Variants in ASRGL1 observed in about 807,000 individuals in gnomAD.
The protein encoded by ASRGL1 is asparaginase and isoaspartyl peptidase 1, also known as isoaspartyl peptidase/L-asparaginase.
ASRGL1 carries 16 observed loss-of-function variants against 22.4 expected under a neutral mutation model. The observed-to-expected ratio is 0.71, with a 90% CI of 0.48 to 1.08. ASRGL1 has a LOEUF of 1.08. ASRGL1 is among the 50% of genes least tolerant of loss of function. The probability of loss-of-function intolerance (pLI) is 0.00; values close to 1 mark genes in which losing one functional copy is unlikely to be tolerated. For synonymous variants in ASRGL1, 165 were observed against 159.3 expected (o/e 1.04, Z -0.27); for missense variants, 412 against 410.1 (o/e 1.00, Z -0.04).
chr11:62,375,001 A>G (rs1374991439), intron 4 of ASRGL1, among the ~76,000 whole-genome samples: 1 of 151,466 alleles, frequency 6.6e-6, no homozygotes, highest in South Asian at 2.1e-4. Context: ...TTGAGGACGC[A>G]GCACCTGAGG....
chr11:62,387,092 AGAG>A (rs1472819752), intron 4 of ASRGL1, among the ~76,000 whole-genome samples: 3 of 150,686 alleles, frequency 2.0e-5, no homozygotes, highest in Non-Finnish European at 4.4e-5. Flanking sequence ...TAGTAGAGAC[AGAG>A]TTTCACCATG....
intron 4 of ASRGL1, among the ~76,000 whole-genome samples, chr11:62,374,998 C>T (rs984944270): frequency 4.0e-5 from 6 of 151,740 alleles, no homozygotes; most frequent in Admixed American, 2.0e-4. Context: ...GGGTTGAGGA[C>T]GCAGCACCTG....
intron 2 of ASRGL1, among the ~76,000 whole-genome samples, chr11:62,355,264 C>T (rs977862920): frequency 2.7e-5 from 4 of 148,072 alleles, no homozygotes; most frequent in African/African-American, 1.0e-4. Flanking sequence ...CTCGCTCTGT[C>T]GCCCAGGCTG....
intron 2 of ASRGL1, among the ~76,000 whole-genome samples, chr11:62,340,166 A>T (rs1945829218): frequency 6.6e-6 from 1 of 152,102 alleles, no homozygotes; most frequent in Non-Finnish European, 1.5e-5. Flanking sequence ...CTACTCAGGA[A>T]GCTGAGGTAG....
intron 4 of ASRGL1, chr11:62,371,208 C>A: frequency 8.0e-7 from 1 of 1,251,924 alleles, no homozygotes; most frequent in Non-Finnish European, 1.1e-6. Context: ...ACGCCAGGGC[C>A]CAGGAAACGT....
chr11:62,392,568 C>CAAAAA lies in ASRGL1; in HGVS notation c.*297_*301dup. On this transcript the variant is annotated 3_prime_UTR_variant, in exon 7 of 7. Coordinates refer to ENST00000415229, the MANE Select transcript of ASRGL1 (RefSeq NM_001083926.2). ...TGGGCAACAGAGCCAGGCCCTGTAT[C>CAAAAA]AAAAAAAAAAAAAAAAAGAAAAGGG... The CAAAAA allele has an allele frequency of 1.4e-4, 41 of 287,322 alleles. No homozygotes were observed. Among genetic ancestry groups the CAAAAA allele is most frequent in the Middle Eastern group, 2.3e-3 (2 of 856 alleles). 17.8% of individuals were successfully genotyped at this position (287,322 alleles called of 1,614,324 possible).
At chr11:62,389,283 C>T in intron 5 of ASRGL1, 32 bp downstream of exon 5, 3 of 1,562,692 alleles carry the variant, frequency 1.9e-6, no homozygotes, top group Non-Finnish European at 1.8e-6. Context: ...TGCCCCTTCC[C>T]CTCTTCTCCC....
In ASRGL1 at chr11:62,387,748, T is replaced by C. The variant is rs555733771; in HGVS notation, c.492-1385T>C. 1.9e-3 allele frequency among the ~76,000 whole-genome samples: 296 copies of C among 152,324 alleles called. 1 individual carries two copies. Among genetic ancestry groups the C allele is most frequent in the Non-Finnish European group, 3.0e-3 (204 of 68,034 alleles). ...TTTGTTTTTGTCACCTGACATATTA[T>C]TGCCCTGTTACTACCACCCTCTACC... On this transcript the variant is annotated intron_variant, in intron 4 of 6. Coordinates refer to ENST00000415229, the MANE Select transcript of ASRGL1 (RefSeq NM_001083926.2).
rs545815015 is a variant in ASRGL1 at position 62,386,902 on chromosome 11, T to A, written c.492-2231T>A. On this transcript the variant is annotated intron_variant, in intron 4 of 6. Transcript: ENST00000415229. ...TGGAGTGGAAAGAATGATTTTTTTT[T>A]TTTTTTCTGAGATGGAGTCTCACTC... 4.6e-3 allele frequency among the ~76,000 whole-genome samples: 693 copies of A among 151,980 alleles called. 12 individuals are homozygous for A. The highest frequency in any genetic ancestry group is 0.016 in the African/African-American group (664 of 41,418).
intron 4 of ASRGL1, among the ~76,000 whole-genome samples, chr11:62,357,608 A>C (rs1040744950): frequency 2.0e-5 from 3 of 151,850 alleles, no homozygotes; most frequent in Admixed American, 6.6e-5. Flanking sequence ...TGTATCAGTT[A>C]TCTGGATTCT....
chr11:62,369,678 T>C (rs1350577999), intron 4 of ASRGL1, among the ~76,000 whole-genome samples: 1 of 152,180 alleles, frequency 6.6e-6, no homozygotes, highest in East Asian at 1.9e-4. Context: ...CAGTTCCTGG[T>C]ACCAAATTTA....
intron 2 of ASRGL1, 61 bp from the exon 3 acceptor site, chr11:62,356,264 C>G: frequency 6.3e-7 from 1 of 1,585,290 alleles, no homozygotes; most frequent in Non-Finnish European, 8.6e-7. Flanking sequence ...ACCCCCCCAC[C>G]TCCCTCCCGG....
chr11:62,362,667 A>G (rs1262644925), intron 4 of ASRGL1, among the ~76,000 whole-genome samples: 2 of 96,418 alleles, frequency 2.1e-5, no homozygotes, highest in African/African-American at 4.2e-5. Context: ...TATAAAATAT[A>G]TAATATATAT....
At chr11:62,348,415 G>A (rs148009600) in intron 2 of ASRGL1, among the ~76,000 whole-genome samples, 1 of 152,026 alleles carries the variant, frequency 6.6e-6, no homozygotes, top group Non-Finnish European at 1.5e-5. Context: ...AAATGAAAGG[G>A]GGTCATGGCC....
At chr11:62,380,975 G>A (rs558775632) in intron 4 of ASRGL1, among the ~76,000 whole-genome samples, 156 of 152,218 alleles carry the variant, frequency 1.0e-3, no homozygotes, top group Non-Finnish European at 6.3e-4. Context: ...TGAGGCTATA[G>A]CGCCCTGCCC....
In ASRGL1 at chr11:62,356,339, T is replaced by A. The variant is rs754181082; in HGVS notation, c.205T>A (p.Leu69Met). Residue 69 changes from leucine (L) to methionine (M), a missense_variant, in exon 3 of 7, where the codon TTG becomes ATG. Transcript: ENST00000415229. ...PEFNAGCGSV[L>M]NTNGEVEMDA... Reference sequence around the variant, plus strand: ...TTTGGTTTTAGGTTGTGGGTCTGTCTTGAACACAAATGGTGAGGTTGAAAT... The same window carrying A: ...TTTGGTTTTAGGTTGTGGGTCTGTCATGAACACAAATGGTGAGGTTGAAAT... 6.2e-7 allele frequency: 1 copy of A among 1,614,190 alleles called. No homozygotes were observed. The highest frequency in any genetic ancestry group is 8.5e-7 in the Non-Finnish European group (1 of 1,180,014).
intron 4 of ASRGL1, among the ~76,000 whole-genome samples, chr11:62,365,447 G>C (rs937175213): frequency 6.6e-6 from 1 of 151,968 alleles, no homozygotes; most frequent in Non-Finnish European, 1.5e-5. Context: ...CCAGCTACTC[G>C]TGAGGCTGAG....
chr11:62,339,555 CT>C (rs1288090837), intron 2 of ASRGL1, among the ~76,000 whole-genome samples: 2 of 152,092 alleles, frequency 1.3e-5, no homozygotes, highest in Non-Finnish European at 2.9e-5. Flanking sequence ...AAGAAATTTG[CT>C]TGATTTATTG....
chr11:62,358,583 G>T (rs1165062825), intron 4 of ASRGL1, among the ~76,000 whole-genome samples: 1 of 152,132 alleles, frequency 6.6e-6, no homozygotes. Context: ...AGCAAGAGGG[G>T]TTCCTGCCAT....
Sources: allele counts gnomAD v4.1 joint callset (sites outside exome capture counted in the v4.1 genomes callset), GRCh38; gene constraint gnomAD v4.1.1; transcripts MANE v1.5; gene names NCBI Gene and HGNC (gene_info 2026-07-23, HGNC 2026-07-21).